The following DTNB variants were observed in gnomAD, a reference collection of about 807,000 sequenced individuals.
DTNB encodes the protein dystrobrevin beta.
Under a neutral mutation model 90.7 loss-of-function variants are expected in DTNB, and 63 were observed. The observed-to-expected ratio is 0.69, with a 90% CI of 0.57 to 0.86. The LOEUF (loss-of-function observed/expected upper bound fraction) is 0.86. Ranked by LOEUF, DTNB falls within the 40% of genes least tolerant of loss-of-function variation. The pLI is 0.00. For synonymous variants in DTNB, 277 were observed against 286.7 expected (o/e 0.97, Z 0.34); for missense variants, 744 against 807.1 (o/e 0.92, Z 0.95).
At chr2:25,569,371 T>C (rs1278732858) in intron 8 of DTNB, among the ~76,000 whole-genome samples, 1 of 152,230 alleles carries the variant, frequency 6.6e-6, no homozygotes, top group Non-Finnish European at 1.5e-5. Flanking sequence ...AAGACTGATA[T>C]AACCTTGCAT....
intron 15 of DTNB, chr2:25,426,608 C>T (rs1409781547): frequency 6.6e-6 from 1 of 152,286 alleles, no homozygotes; most frequent in African/African-American, 2.4e-5. Flanking sequence ...ACCGTCAGTT[C>T]TCCTGGTTCT....
intron 6 of DTNB, among the ~76,000 whole-genome samples, chr2:25,591,919 G>A (rs374779313): frequency 6.6e-5 from 10 of 152,022 alleles, no homozygotes; most frequent in African/African-American, 2.4e-4. Flanking sequence ...AAATTAGCCA[G>A]GCATGGTGGC....
chr2:25,441,443 T>C (rs1187730243), intron 12 of DTNB, among the ~76,000 whole-genome samples: 2 of 152,258 alleles, frequency 1.3e-5, no homozygotes, highest in Admixed American at 6.5e-5. Flanking sequence ...AATATTATCC[T>C]GTACCAGTGG....
At chr2:25,435,212 G>C (rs1334668578) in intron 12 of DTNB, among the ~76,000 whole-genome samples, 13 of 152,080 alleles carry the variant, frequency 8.5e-5, no homozygotes. Flanking sequence ...GTAGAGACAG[G>C]GTTTCACCAT....
chr2:25,575,384 T>C (rs1412928107), intron 8 of DTNB, among the ~76,000 whole-genome samples: 2 of 152,092 alleles, frequency 1.3e-5, no homozygotes, highest in African/African-American at 4.8e-5. Context: ...TGTGTTTTTT[T>C]CCTTTTTTTG....
rs2148829643 is a variant in DTNB at position 25,639,021 on chromosome 2, T to A, written c.141A>T (p.Arg47=). The A allele has an allele frequency of 1.9e-6, 3 of 1,585,944 alleles. No homozygotes were observed. The East Asian group carries it at 6.8e-5, about 36-fold the overall frequency. ...TGAGTAGAAATGACTCACGGTTGCA[T>A]CGTTTTTGTACAAATCGTAATTTGC... The part of the protein sequence containing the change: ...TACKLRFVQK[R]CNLHLVDIWN... The change falls in exon 3 of 21, where the codon CGA becomes CGT. Residue 47 remains arginine, a synonymous_variant. Transcript: ENST00000406818.
chr2:25,472,856 C>A (rs1042635082), intron 10 of DTNB, among the ~76,000 whole-genome samples: 1 of 152,180 alleles, frequency 6.6e-6, no homozygotes, highest in Non-Finnish European at 1.5e-5. Context: ...TGCACCCTAG[C>A]GCCTGGGTGA....
At chr2:25,493,169 T>C (rs892380210) in intron 9 of DTNB, among the ~76,000 whole-genome samples, 2 of 152,230 alleles carry the variant, frequency 1.3e-5, no homozygotes, top group African/African-American at 4.8e-5. Flanking sequence ...TTTATTACTA[T>C]TGGTGTGAAA....
intron 9 of DTNB, among the ~76,000 whole-genome samples, chr2:25,505,342 G>T (rs2072119810): frequency 6.6e-6 from 1 of 152,124 alleles, no homozygotes; most frequent in Non-Finnish European, 1.5e-5. Context: ...GCCTTCACAG[G>T]AAGCTGAAGA....
intron 9 of DTNB, among the ~76,000 whole-genome samples, chr2:25,494,181 A>G (rs919810940): frequency 6.6e-6 from 1 of 152,160 alleles, no homozygotes; most frequent in Non-Finnish European, 1.5e-5. Context: ...ACTACTACTC[A>G]TGGTGGTATT....
At chr2:25,434,597 TTCTATTGTTTCCAGCTTTTGGTTATTA>T (rs2055072785) in intron 12 of DTNB, among the ~76,000 whole-genome samples, 3 of 152,028 alleles carry the variant, frequency 2.0e-5, no homozygotes, top group Non-Finnish European at 4.4e-5. Context: ...CTGTATAGTA[TTCTATTGTTTCCAGCTTTTGGTTATTA>T]TCTATTGTTT....
chr2:25,392,340 G>A (rs2041352746), intron 16 of DTNB, among the ~76,000 whole-genome samples: 1 of 152,152 alleles, frequency 6.6e-6, no homozygotes, highest in Non-Finnish European at 1.5e-5. Context: ...AACCCGGGAG[G>A]TGGAGGCTGC....
chr2:25,523,295 T>C (rs907377922), intron 9 of DTNB, among the ~76,000 whole-genome samples: 1 of 152,174 alleles, frequency 6.6e-6, no homozygotes, highest in African/African-American at 2.4e-5. Context: ...AGGTCCTCAA[T>C]AAGTATTTGC....
chr2:25,618,719 G>C (rs2148631063), intron 4 of DTNB, among the ~76,000 whole-genome samples: 1 of 152,304 alleles, frequency 6.6e-6, no homozygotes, highest in African/African-American at 2.4e-5. Flanking sequence ...GAAGAAACTT[G>C]TGATTTTAAC....
chr2:25,660,626 T>C (rs925983169), intron 1 of DTNB, among the ~76,000 whole-genome samples: 2 of 152,236 alleles, frequency 1.3e-5, no homozygotes, highest in Non-Finnish European at 1.5e-5. Context: ...TATCTTACTA[T>C]GCATAACCCT....
rs573798471 is a variant in DTNB, at chr2:25,631,812, T to G, written c.149-3428A>C. On this transcript the variant is annotated intron_variant, in intron 3 of 20. Coordinates refer to ENST00000406818, the MANE Select transcript of DTNB (RefSeq NM_021907.5). ...CAATTAAACTTCACAACTAACAAAG[T>G]AGGCATAATGAGCACTATATAAAGT... Among the ~76,000 whole-genome samples, 6 of 152,230 alleles carry G rather than the reference T, an allele frequency of 3.9e-5. No individual in the cohort carries two copies. In the South Asian group the frequency reaches 8.3e-4, roughly 21 times the overall value.
intron 1 of DTNB, among the ~76,000 whole-genome samples, chr2:25,665,621 G>T (rs1371541830): frequency 6.7e-6 from 1 of 149,858 alleles, no homozygotes; most frequent in Non-Finnish European, 1.5e-5. Flanking sequence ...GCAAGACTCC[G>T]TCTCAAAAAA....
chr2:25,425,236 A>C (rs2149860390), intron 15 of DTNB, among the ~76,000 whole-genome samples: 1 of 152,332 alleles, frequency 6.6e-6, no homozygotes, highest in African/African-American at 2.4e-5. Context: ...GTAGAAACAT[A>C]TCTATGCAAA....
intron 6 of DTNB, among the ~76,000 whole-genome samples, chr2:25,588,088 G>A (rs1302789889): frequency 6.6e-6 from 1 of 151,562 alleles, no homozygotes; most frequent in Non-Finnish European, 1.5e-5. Context: ...GCTTTAGTGT[G>A]ACAATAAATT....
Sources: gnomAD v4.1 joint callset for allele counts (sites outside exome capture counted in the v4.1 genomes callset) on GRCh38, gnomAD v4.1.1 for gene constraint, MANE v1.5 for transcripts, NCBI Gene and HGNC (gene_info 2026-07-23, HGNC 2026-07-21) for gene names.